The following HERC2 variants were observed in gnomAD, a reference collection of about 807,000 sequenced individuals.
HERC2 encodes the protein HECT and RLD domain containing E3 ubiquitin protein ligase 2, also known as E3 ubiquitin-protein ligase HERC2.
A neutral mutation model predicts 537.7 loss-of-function variants in HERC2; 102 were observed. That is an observed-to-expected ratio of 0.19 (90% CI 0.16 to 0.22). The LOEUF (loss-of-function observed/expected upper bound fraction) is 0.22. HERC2 is among the 10% of genes least tolerant of loss of function. The pLI, the probability that HERC2 is intolerant of heterozygous loss-of-function variation, is 1.00. For synonymous variants in HERC2, 2,224 were observed against 2,466.2 expected (o/e 0.90, Z 2.91); for missense variants, 4,236 against 6,198.2 (o/e 0.68, Z 10.63).
intron 31 of HERC2, 65 bp downstream of exon 31, chr15:28,230,302 T>G: frequency 9.3e-6 from 14 of 1,511,688 alleles, no homozygotes; most frequent in Admixed American, 1.7e-5. Flanking sequence ...GACAAGACTG[T>G]GGATTCCTGT....
At chr15:28,254,686 T>A (rs1458545291) in intron 19 of HERC2, among the ~76,000 whole-genome samples, 168 bp from the exon 20 acceptor site, 1 of 152,196 alleles carries the variant, frequency 6.6e-6, no homozygotes, top group Non-Finnish European at 1.5e-5. Context: ...CTAACTCAGT[T>A]GTGCAGTTTC....
At chr15:28,194,068 C>T (rs938197336) in intron 52 of HERC2, among the ~76,000 whole-genome samples, 2 of 138,504 alleles carry the variant, frequency 1.4e-5, no homozygotes, top group Admixed American at 7.2e-5. Flanking sequence ...ATCCTTTGAC[C>T]TTTTTTTTTT....
chr15:28,299,533 A>T lies in HERC2; in HGVS notation c.73-17T>A, dbSNP rs1417253771. 7.6e-7 allele frequency: 1 copy of T among 1,307,240 alleles called. No homozygotes were observed. Among genetic ancestry groups the T allele is most frequent in the Admixed American group, 1.7e-5 (1 of 57,408 alleles). 81.0% of individuals were successfully genotyped at this position (1,307,240 alleles called of 1,614,324 possible). A position where few individuals can be genotyped will look rare whatever the true frequency, so the allele number is the denominator to read the frequency against. ...GAATGCAAGCTGGCAATGATAAACG[A>T]GATAAGCTTACAGAGTGCTCACACT... On this transcript the variant is annotated splice_polypyrimidine_tract_variant and intron_variant, in intron 2 of 92. Coordinates refer to ENST00000261609, the MANE Select transcript of HERC2 (RefSeq NM_004667.6).
At chr15:28,251,761 C>A (rs960709634) in intron 20 of HERC2, among the ~76,000 whole-genome samples, 5 of 152,112 alleles carry the variant, frequency 3.3e-5, no homozygotes, top group Non-Finnish European at 7.4e-5. Flanking sequence ...GATTATGCAA[C>A]CGCACTCCAG....
chr15:28,117,757 T>C (rs972685497), intron 86 of HERC2: 16 of 358,878 alleles, frequency 4.5e-5, no homozygotes, highest in Non-Finnish European at 7.1e-5. Context: ...AGTCACTCCC[T>C]GCCCATCCTT....
At position 28,265,979 on chromosome 15, in the gene HERC2, G is replaced by A. The variant is rs376972479; in HGVS notation, c.1599-5C>T. On this transcript the variant is annotated splice_polypyrimidine_tract_variant and splice_region_variant and intron_variant, in intron 12 of 92. Coordinates refer to ENST00000261609, the MANE Select transcript of HERC2 (RefSeq NM_004667.6). The surrounding 1 kb of genome is among the most constrained non-coding windows in gnomAD (Gnocchi z 4.0). Reference sequence around the variant, plus strand: ...ACCTTAGGCTCCTCCAAAGGCCTTGGGGAGAAAGGGAACAAACATGAATGC... The same window carrying A: ...ACCTTAGGCTCCTCCAAAGGCCTTGAGGAGAAAGGGAACAAACATGAATGC... 1.1e-5 allele frequency: 17 copies of A among 1,613,462 alleles called. No homozygotes were observed. Among genetic ancestry groups the A allele is most frequent in the African/African-American group, 9.3e-5 (7 of 75,010 alleles).
intron 88 of HERC2, among the ~76,000 whole-genome samples, chr15:28,116,414 A>G (rs1000169699): frequency 2.6e-5 from 4 of 151,904 alleles, no homozygotes; most frequent in Admixed American, 2.6e-4. Context: ...ACGAGGTTTC[A>G]CCACATTAGT....
In HERC2 at chr15:28,146,433, T is replaced by C; in HGVS notation, c.10901-89A>G. On this transcript the variant is annotated intron_variant, in intron 70 of 92. Transcript: ENST00000261609. ...TGAAACTAAAACCACATTTAACAGC[T>C]AATGAATAGCAGAAAGTCAGAAAGA... The C allele has an allele frequency of 3.5e-6, 3 of 849,428 alleles. No homozygotes were observed. In the South Asian group the frequency reaches 4.2e-5, roughly 12 times the overall value. The allele number at this position is 849,428 out of a possible 1,614,324, so 52.6% of individuals were successfully genotyped here. A position where few individuals can be genotyped will look rare whatever the true frequency, so the allele number is the denominator to read the frequency against.
chr15:28,287,927 T>C (rs1249525310), intron 4 of HERC2, among the ~76,000 whole-genome samples: 1 of 152,024 alleles, frequency 6.6e-6, no homozygotes, highest in African/African-American at 2.4e-5. Flanking sequence ...TGTTTCACCG[T>C]GTTAGCCAGC....
At chr15:28,231,361 C>G (rs1328141842) in intron 30 of HERC2, among the ~76,000 whole-genome samples, 5 of 152,004 alleles carry the variant, frequency 3.3e-5, no homozygotes, top group East Asian at 1.9e-4. Context: ...TACCTGACAC[C>G]CAGGACCTTG....
chr15:28,240,396 C>A (rs573483337), intron 23 of HERC2, among the ~76,000 whole-genome samples: 3 of 151,358 alleles, frequency 2.0e-5, no homozygotes, highest in Admixed American at 2.0e-4. Context: ...CCCGCCTGGG[C>A]GAAAGAGCGA....
intron 83 of HERC2, among the ~76,000 whole-genome samples, chr15:28,126,250 A>C (rs1385002347): frequency 6.6e-6 from 1 of 152,214 alleles, no homozygotes; most frequent in Non-Finnish European, 1.5e-5. Flanking sequence ...GGCGATAAAA[A>C]CTAACAACAA....
At chr15:28,181,242 G>A (rs1023843936) in intron 57 of HERC2, among the ~76,000 whole-genome samples, 6 of 152,276 alleles carry the variant, frequency 3.9e-5, no homozygotes, top group South Asian at 2.1e-4. Context: ...GTGGAACACC[G>A]ACTCTGTCCT....
Position 28,228,204 on chromosome 15 carries a change from G to T in HERC2, c.5464+14C>A. The T allele has an allele frequency of 1.9e-6, 3 of 1,610,072 alleles. No homozygotes were observed. The highest frequency in any genetic ancestry group is 8.5e-7 in the Non-Finnish European group (1 of 1,177,626). On this transcript the variant is annotated intron_variant, in intron 35 of 92. Coordinates refer to ENST00000261609, the MANE Select transcript of HERC2 (RefSeq NM_004667.6). ...GACATTTTCCCAAAGGCGCTCAAGC[G>T]GGTGCAGACCTACCAATCAGGCGCA... is the stretch of plus-strand genomic sequence containing the variant.
Position 28,141,838 on chromosome 15 carries a change from C to T in HERC2, c.11709G>A (p.Lys3903=). 6.2e-7 allele frequency: 1 copy of T among 1,612,186 alleles called. No individual in the cohort carries two copies. The highest frequency in any genetic ancestry group is 8.5e-7 in the Non-Finnish European group (1 of 1,178,320). The change falls in exon 77 of 93, where the codon AAG becomes AAA. Residue 3903 remains lysine, a synonymous_variant. Transcript: ENST00000261609. ...TGTCTGCCATTAATTCACGAATTTT[C>T]TTAGCCACCTAAACAAAATTATTAT... ...LPRLFLDEVA[K]KIRELMADSE...
At chr15:28,314,465 T>A (rs1194624664) in intron 2 of HERC2, among the ~76,000 whole-genome samples, 1 of 152,114 alleles carries the variant, frequency 6.6e-6, no homozygotes, top group Non-Finnish European at 1.5e-5. Flanking sequence ...ACTCTGCCTA[T>A]GTAGGAGCCA....
Position 28,266,515 on chromosome 15 carries a change from C to CA in HERC2, c.1599-542dup, listed in dbSNP as rs1237046845. On this transcript the variant is annotated intron_variant, in intron 12 of 92. Transcript: ENST00000261609. ...GGGTAACAAGAACAAAACTCCATCT[C>CA]AAAAAAAAAGAGACTTGTAAAGTCC... Among the ~76,000 whole-genome samples, 21 of 149,946 alleles carry CA rather than the reference C, an allele frequency of 1.4e-4. No homozygotes were observed. In the East Asian group the frequency reaches 2.1e-3, roughly 15 times the overall value.
At chr15:28,292,814 A>G in intron 4 of HERC2, 74 bp downstream of exon 4, 2 of 1,424,930 alleles carry the variant, frequency 1.4e-6, no homozygotes, top group Non-Finnish European at 9.6e-7. Context: ...AAAAAATACT[A>G]AGAATCCATC....
At chr15:28,301,938 T>C (rs1490270363) in intron 2 of HERC2, among the ~76,000 whole-genome samples, 1 of 151,106 alleles carries the variant, frequency 6.6e-6, no homozygotes, top group African/African-American at 2.4e-5. Context: ...TAGCTGGGAC[T>C]ACAGGCTCAC....
Sources: gnomAD v4.1 joint callset for allele counts (sites outside exome capture counted in the v4.1 genomes callset) on GRCh38, gnomAD v4.1.1 for gene constraint, Gnocchi (gnomAD v3.1) non-coding constraint, MANE v1.5 for transcripts, NCBI Gene and HGNC (gene_info 2026-07-23, HGNC 2026-07-21) for gene names.